SLC25A27: variants seen among roughly 807,000 people sequenced by gnomAD.
SLC25A27 encodes the protein mitochondrial uncoupling protein 4.
Under a neutral mutation model 49.1 loss-of-function variants are expected in SLC25A27, and 35 were observed. That is an observed-to-expected ratio of 0.71 (90% CI 0.54 to 0.95). SLC25A27 has a LOEUF of 0.95. Among genes scored for constraint, SLC25A27 ranks in the 40% least tolerant of loss-of-function variants. The pLI is 0.00. For missense variants in SLC25A27, 339 were observed against 397.1 expected (o/e 0.85, Z 1.24); for synonymous variants, 144 against 136.9 (o/e 1.05, Z -0.36).
intron 1 of SLC25A27, among the ~76,000 whole-genome samples, chr6:46,655,046 G>T (rs1002345548): frequency 6.6e-6 from 1 of 152,076 alleles, no homozygotes; most frequent in African/African-American, 2.4e-5. Flanking sequence ...TAAGGTAAAA[G>T]GTCTGTATCT....
At chr6:46,655,490 G>A (rs1490714082) in intron 1 of SLC25A27, among the ~76,000 whole-genome samples, 1 of 139,444 alleles carries the variant, frequency 7.2e-6, no homozygotes, top group Non-Finnish European at 1.5e-5. Context: ...TTTCTGAATA[G>A]AAAGAACCCA....
chr6:46,671,277 C>A, intron 8 of SLC25A27, 49 bp downstream of exon 8: 1 of 1,089,512 alleles, frequency 9.2e-7, no homozygotes, highest in East Asian at 2.7e-5. Context: ...ACTTAAATTA[C>A]TTTTAATTTA....
intron 4 of SLC25A27, 120 bp from the exon 5 acceptor site, chr6:46,664,654 A>G (rs1284662417): frequency 2.0e-6 from 1 of 490,652 alleles, no homozygotes; most frequent in East Asian, 3.3e-5. Context: ...ATAATTCTGG[A>G]TAAATTATAT....
In SLC25A27 at chr6:46,668,814, ACT is replaced by A. The variant is rs779441597; in HGVS notation, c.704+24_704+25del. ...TCAAGGTAAGGATTGTTTTAGTTGG[ACT>A]CTGTTTTTTTTTTTTGTATCACTTT... On this transcript the variant is annotated intron_variant, in intron 6 of 8. Transcript: ENST00000371347. 19 of 1,407,122 alleles carry A rather than the reference ACT, an allele frequency of 1.4e-5. No homozygotes were observed. In the Middle Eastern group the frequency reaches 5.5e-4, roughly 40 times the overall value. 87.2% of individuals were successfully genotyped at this position (1,407,122 alleles called of 1,614,324 possible). A position where few individuals can be genotyped will look rare whatever the true frequency, so the allele number is the denominator to read the frequency against.
In SLC25A27 at chr6:46,676,465, A is replaced by G; in HGVS notation, c.*11A>G. Reference sequence around the variant, plus strand: ...GTCAGTCCATTTTAAACCCCTAAAGATGCAACCCTTAAAGATACAGTGTTC... The same window carrying G: ...GTCAGTCCATTTTAAACCCCTAAAGGTGCAACCCTTAAAGATACAGTGTTC... On this transcript the variant is annotated 3_prime_UTR_variant, in exon 9 of 9. Transcript: ENST00000371347. 1 of 1,613,918 alleles carries G rather than the reference A, an allele frequency of 6.2e-7. No homozygotes were observed. Among genetic ancestry groups the G allele is most frequent in the East Asian group, 2.2e-5 (1 of 44,874 alleles).
Position 46,671,148 on chromosome 6 carries a change from A to T in SLC25A27, c.820A>T (p.Thr274Ser). 1 of 1,600,162 alleles carries T rather than the reference A, an allele frequency of 6.2e-7. No homozygotes were observed. Among genetic ancestry groups the T allele is most frequent in the Middle Eastern group, 1.7e-4 (1 of 6,016 alleles). ...QGRGLLYKSS[T>S]DCLIQAVQGE... ...TAGGGGACTTTTGTATAAATCATCG[A>T]CTGACTGCTTGATTCAGGCTGTTCA... Residue 274 changes from threonine (T) to serine (S), a missense_variant, in exon 8 of 9, where the codon ACT (threonine) becomes TCT (serine). Thr to Ser is a moderately conservative substitution (Grantham distance 58, BLOSUM62 1). Coordinates refer to ENST00000371347, the MANE Select transcript of SLC25A27 (RefSeq NM_004277.5).
chr6:46,668,664 C>T, intron 5 of SLC25A27, 45 bp from the exon 6 acceptor site: 2 of 1,078,930 alleles, frequency 1.9e-6, no homozygotes, highest in African/African-American at 1.6e-5. Flanking sequence ...ACACAAAAGA[C>T]ATTCACTGTT....
At chr6:46,662,847 TA>T (rs1387580651) in intron 4 of SLC25A27, among the ~76,000 whole-genome samples, 1 of 152,190 alleles carries the variant, frequency 6.6e-6, no homozygotes, top group Non-Finnish European at 1.5e-5. Flanking sequence ...GGAAGTCACT[TA>T]ACATTTCTGG....
In SLC25A27 at chr6:46,659,105, T is replaced by G. The variant is rs957899920; in HGVS notation, c.383+59T>G. On this transcript the variant is annotated intron_variant, in intron 3 of 8. Coordinates refer to ENST00000371347, the MANE Select transcript of SLC25A27 (RefSeq NM_004277.5). Reference sequence around the variant, plus strand: ...CCCAAATGCCTTAATGTTTATTAGGTTTATGTAAAATTGTACATTTGTACC... The same window carrying G: ...CCCAAATGCCTTAATGTTTATTAGGGTTATGTAAAATTGTACATTTGTACC... The G allele has an allele frequency of 8.1e-6, 9 of 1,114,728 alleles. No homozygotes were observed. In the African/African-American group the frequency reaches 1.2e-4, roughly 15 times the overall value. 69.1% of individuals were successfully genotyped at this position (1,114,728 alleles called of 1,614,324 possible). A position where few individuals can be genotyped will look rare whatever the true frequency, so the allele number is the denominator to read the frequency against.
rs2270450 is a variant in SLC25A27, at chr6:46,677,138, C to T, written c.*684C>T. 48,071 of 162,402 alleles carry T rather than the reference C, an allele frequency of 0.3. 7,303 individuals carry two copies. Among genetic ancestry groups the T allele is most frequent in the South Asian group, 0.53 (2,972 of 5,614 alleles). The allele number at this position is 162,402 out of a possible 1,614,324, so 10.1% of individuals were successfully genotyped here. On this transcript the variant is annotated 3_prime_UTR_variant, in exon 9 of 9. Coordinates refer to ENST00000371347, the MANE Select transcript of SLC25A27 (RefSeq NM_004277.5). ...CATTAGATCTGTGTTAATTAGTTAG[C>T]ACTCCACTGCACATGCTAATGACTT...
rs1763188894 is a variant in SLC25A27, at chr6:46,662,364, T to G, written c.384-12T>G. ...AATGGCAACTTTAAAAAGAATTTCC[T>G]TCTGCAATTAGGAAATCAGTCATTG... On this transcript the variant is annotated splice_polypyrimidine_tract_variant and intron_variant, in intron 3 of 8. Transcript: ENST00000371347. The G allele has an allele frequency of 8.1e-6, 13 of 1,611,968 alleles. No individual in the cohort carries two copies. The highest frequency in any genetic ancestry group is 1.1e-5 in the Non-Finnish European group (13 of 1,179,248).
intron 8 of SLC25A27, among the ~76,000 whole-genome samples, chr6:46,674,137 TG>T (rs1382506225): frequency 6.6e-6 from 1 of 152,114 alleles, no homozygotes; most frequent in Non-Finnish European, 1.5e-5. Flanking sequence ...GTACAAAGGA[TG>T]GGACCACTTT....
chr6:46,655,747 C>T, intron 1 of SLC25A27, 96 bp from the exon 2 acceptor site: 1 of 1,026,804 alleles, frequency 9.7e-7, no homozygotes, highest in Non-Finnish European at 1.4e-6. Context: ...AATTTGAGAA[C>T]AACCAGTCTT....
intron 8 of SLC25A27, among the ~76,000 whole-genome samples, chr6:46,673,564 G>A (rs746861599): frequency 1.8e-4 from 27 of 152,198 alleles, no homozygotes; most frequent in Non-Finnish European, 2.6e-4. Context: ...ATCAATAGGC[G>A]TTTGTCAAGA....
At chr6:46,662,294 C>T in intron 3 of SLC25A27, 82 bp from the exon 4 acceptor site, 1 of 1,223,222 alleles carries the variant, frequency 8.2e-7, no homozygotes. Flanking sequence ...CTTACCTAGG[C>T]CCTGTACCAG....
intron 6 of SLC25A27, among the ~76,000 whole-genome samples, chr6:46,669,287 C>T (rs1162397376): frequency 1.3e-5 from 2 of 152,148 alleles, no homozygotes; most frequent in Non-Finnish European, 2.9e-5. Context: ...GAAGGATCCA[C>T]AAAGGAGGTA....
intron 5 of SLC25A27, among the ~76,000 whole-genome samples, chr6:46,668,148 C>G (rs1455143829): frequency 6.6e-6 from 1 of 152,108 alleles, no homozygotes; most frequent in Non-Finnish European, 1.5e-5. Flanking sequence ...AGTTGGAGAC[C>G]AGCCTGGGTA....
At chr6:46,665,036 C>T in intron 5 of SLC25A27, 150 bp downstream of exon 5, 1 of 454,944 alleles carries the variant, frequency 2.2e-6, no homozygotes, top group Non-Finnish European at 3.9e-6. Flanking sequence ...TAGGTCATAA[C>T]TGAATATTTT....
chr6:46,658,203 G>T (rs1292538254), intron 2 of SLC25A27, among the ~76,000 whole-genome samples: 2 of 152,178 alleles, frequency 1.3e-5, no homozygotes, highest in Non-Finnish European at 2.9e-5. Flanking sequence ...CTAGAACTGT[G>T]TGCAGAGACT....
Sources: gnomAD v4.1 joint callset for allele counts (sites outside exome capture counted in the v4.1 genomes callset) on GRCh38, gnomAD v4.1.1 for gene constraint, MANE v1.5 for transcripts, NCBI Gene and HGNC (gene_info 2026-07-23, HGNC 2026-07-21) for gene names.